Variants in UTRN observed in about 807,000 individuals in gnomAD.
UTRN encodes the protein dystrophin-related protein 1.
A neutral mutation model predicts 463.9 loss-of-function variants in UTRN; 283 were observed. The ratio of observed to expected loss-of-function variants is 0.61; its 90% CI spans 0.55 to 0.67. UTRN has a LOEUF of 0.67. Among genes scored for constraint, UTRN ranks in the 30% least tolerant of loss-of-function variants. UTRN has a pLI of 0.00. For missense variants in UTRN, 3,922 were observed against 4,084.3 expected (o/e 0.96, Z 1.08); for synonymous variants, 1,442 against 1,431.5 (o/e 1.01, Z -0.17).
At chr6:144,617,335 C>A (rs1350886415) in intron 51 of UTRN, among the ~76,000 whole-genome samples, 3 of 152,130 alleles carry the variant, frequency 2.0e-5, no homozygotes, top group African/African-American at 7.2e-5. Context: ...CCATCCAATC[C>A]CTGCTATCAA....
Position 144,451,444 on chromosome 6 carries a change from A to C in UTRN, c.2147A>C (p.Lys716Thr). The C allele has an allele frequency of 1.9e-6, 3 of 1,613,352 alleles. No homozygotes were observed. The highest frequency in any genetic ancestry group is 2.5e-6 in the Non-Finnish European group (3 of 1,179,826). ...ACTGCCATTCAGACCACAGAGATAA[A>C]AGAGTATATGAAGATGCAAGACACT... ...WKTAIQTTEI[K>T]EYMKMQDTSE... The change falls in exon 18 of 75, where the codon AAA becomes ACA. Residue 716 changes from lysine (K) to threonine (T), a missense_variant. Coordinates refer to ENST00000367545, the MANE Select transcript of UTRN (RefSeq NM_007124.3).
At chr6:144,555,535 C>A (rs142242635) in intron 49 of UTRN, among the ~76,000 whole-genome samples, 1 of 152,148 alleles carries the variant, frequency 6.6e-6, no homozygotes, top group Non-Finnish European at 1.5e-5. Flanking sequence ...TGGGTTCCAG[C>A]GATTCTTGCC....
intron 52 of UTRN, among the ~76,000 whole-genome samples, chr6:144,689,509 C>G (rs1460691350): frequency 1.3e-5 from 2 of 152,220 alleles, no homozygotes; most frequent in African/African-American, 4.8e-5. Flanking sequence ...AGCACTCCCT[C>G]TTTCCCCTAG....
At chr6:144,573,737 A>G (rs1025268234) in intron 50 of UTRN, among the ~76,000 whole-genome samples, 2 of 152,076 alleles carry the variant, frequency 1.3e-5, no homozygotes, top group African/African-American at 4.8e-5. Flanking sequence ...AATATTATGG[A>G]AAGATTGTCA....
chr6:144,559,793 C>G (rs577840397), intron 50 of UTRN, among the ~76,000 whole-genome samples: 1 of 152,118 alleles, frequency 6.6e-6, no homozygotes, highest in South Asian at 2.1e-4. Flanking sequence ...TTCACCCTCC[C>G]CCTGAAAAGA....
Position 144,748,327 on chromosome 6 carries a change from G to A in UTRN, c.8021G>A (p.Ser2674Asn), listed in dbSNP as rs1263723717. ...TCTGAAGTCAAAGAAAAATGGGAAA[G>A]TCTAAATGCTGTAACTAGCAATTGG... is the stretch of plus-strand genomic sequence containing the variant. ...QSSEVKEKWESLNAVTSNWQK... is the reference protein window; with the variant it reads ...QSSEVKEKWENLNAVTSNWQK... Residue 2674 changes from serine to asparagine, a missense_variant, in exon 55 of 75, where the codon AGT becomes AAT. Transcript: ENST00000367545. The A allele has an allele frequency of 6.2e-7, 1 of 1,613,540 alleles. No homozygotes were observed. Among genetic ancestry groups the A allele is most frequent in the South Asian group, 1.1e-5 (1 of 91,068 alleles).
intron 58 of UTRN, among the ~76,000 whole-genome samples, chr6:144,770,479 T>C (rs1045504766): frequency 1.3e-5 from 2 of 152,178 alleles, no homozygotes; most frequent in Non-Finnish European, 2.9e-5. Context: ...TACTAAATAG[T>C]TTTATAAGAA....
chr6:144,504,444 A>T (rs1794517432), intron 34 of UTRN, among the ~76,000 whole-genome samples: 2 of 152,196 alleles, frequency 1.3e-5, no homozygotes, highest in African/African-American at 4.8e-5. Context: ...TGTTTTTAGC[A>T]TGAAGGGGTA....
chr6:144,491,846 C>G (rs1235155409), intron 32 of UTRN, among the ~76,000 whole-genome samples: 1 of 152,034 alleles, frequency 6.6e-6, no homozygotes, highest in Non-Finnish European at 1.5e-5. Context: ...ATACATAGTT[C>G]AGGGGTCTGT....
chr6:144,738,263 C>T (rs1789661484), intron 54 of UTRN, among the ~76,000 whole-genome samples: 1 of 152,190 alleles, frequency 6.6e-6, no homozygotes, highest in South Asian at 2.1e-4. Context: ...TGGTCTCTCC[C>T]TTGTGCTGCC....
chr6:144,633,386 CGCCCGGCTAA>C (rs1218130218), intron 51 of UTRN, among the ~76,000 whole-genome samples: 1 of 152,114 alleles, frequency 6.6e-6, no homozygotes, highest in Non-Finnish European at 1.5e-5. Flanking sequence ...CCTGCAACCA[CGCCCGGCTAA>C]TATTTTGTAT....
intron 51 of UTRN, among the ~76,000 whole-genome samples, chr6:144,648,439 C>T (rs568005454): frequency 1.3e-5 from 2 of 152,276 alleles, no homozygotes; most frequent in East Asian, 1.9e-4. Flanking sequence ...CTTTTAATCC[C>T]TTTGTAGTAT....
intron 51 of UTRN, among the ~76,000 whole-genome samples, chr6:144,617,182 T>C (rs538166281): frequency 1.3e-5 from 2 of 152,292 alleles, no homozygotes; most frequent in South Asian, 4.1e-4. Flanking sequence ...CATTGTGAGT[T>C]CTTAATGATT....
rs1554339291 is a variant in UTRN at position 144,690,074 on chromosome 6, G to GTTTTTTTTTTTTTTTTT, written c.7653-10007_7653-9991dup. ...GGCCATAGAGCTCCCAAAAGTTTCT[G>GTTTTTTTTTTTTTTTTT]TTTTTTTTTTTTTTTTTTTTTTGTG... On this transcript the variant is annotated intron_variant, in intron 52 of 74. Transcript: ENST00000367545. 1.6e-4 allele frequency among the ~76,000 whole-genome samples: 5 copies of GTTTTTTTTTTTTTTTTT among 31,280 alleles called. 2 individuals carry two copies. The highest frequency in any genetic ancestry group is 3.5e-4 in the African/African-American group (2 of 5,682). 20.5% of individuals were successfully genotyped at this position (31,280 alleles called of 152,430 possible). A position where few individuals can be genotyped will look rare whatever the true frequency, so the allele number is the denominator to read the frequency against.
At chr6:144,518,635 AT>A (rs1795832387) in intron 39 of UTRN, among the ~76,000 whole-genome samples, 1 of 152,212 alleles carries the variant, frequency 6.6e-6, no homozygotes, top group African/African-American at 2.4e-5. Context: ...TTTTTAAAGT[AT>A]CTTTCTTCCC....
At position 144,506,812 on chromosome 6, in the gene UTRN, CT is replaced by C. The variant is rs529506110; in HGVS notation, c.4765-4130del. Among the ~76,000 whole-genome samples, 426 of 152,260 alleles carry C rather than the reference CT, an allele frequency of 2.8e-3. 1 individual carries two copies. Among genetic ancestry groups the C allele is most frequent in the African/African-American group, 9.6e-3 (398 of 41,562 alleles). ...TTCCTGAAGTTGAATGTTGGCCTGT[CT>C]TGCTAGGTTCGGGGAGTTCTCTTGC... is the stretch of plus-strand genomic sequence containing the variant. On this transcript the variant is annotated intron_variant, in intron 34 of 74. Coordinates refer to ENST00000367545, the MANE Select transcript of UTRN (RefSeq NM_007124.3).
At chr6:144,500,918 A>G (rs549511988) in intron 34 of UTRN, among the ~76,000 whole-genome samples, 56 of 152,222 alleles carry the variant, frequency 3.7e-4, no homozygotes, top group Non-Finnish European at 7.1e-4. Context: ...AGTGCTGAAT[A>G]TAAATGATCA....
At chr6:144,487,144 A>G (rs1337188408) in intron 28 of UTRN, among the ~76,000 whole-genome samples, 1 of 152,046 alleles carries the variant, frequency 6.6e-6, no homozygotes, top group East Asian at 1.9e-4. Context: ...CATATAATTA[A>G]TAATTATTTT....
intron 73 of UTRN, among the ~76,000 whole-genome samples, chr6:144,842,254 A>G (rs189076349): frequency 2.0e-5 from 3 of 152,230 alleles, no homozygotes; most frequent in Non-Finnish European, 1.5e-5. Flanking sequence ...TTAAAATACC[A>G]TCATTAGCAG....
Sources: allele counts gnomAD v4.1 joint callset (sites outside exome capture counted in the v4.1 genomes callset), GRCh38; gene constraint gnomAD v4.1.1; transcripts MANE v1.5; gene names NCBI Gene and HGNC (gene_info 2026-07-23, HGNC 2026-07-21).